EPHA6: variants seen among roughly 807,000 people sequenced by gnomAD.
EPHA6 encodes EPH receptor A6.
Under a neutral mutation model 112.0 loss-of-function variants are expected in EPHA6, and 50 were observed. That is an observed-to-expected ratio of 0.45 (90% CI 0.36 to 0.56). The LOEUF (loss-of-function observed/expected upper bound fraction) is 0.56. Ranked by LOEUF, EPHA6 falls within the 20% of genes least tolerant of loss-of-function variation. The pLI, the probability that EPHA6 is intolerant of heterozygous loss-of-function variation, is 0.00. For synonymous variants in EPHA6, 529 were observed against 490.7 expected (o/e 1.08, Z -1.03); for missense variants, 1,280 against 1,417.4 (o/e 0.90, Z 1.56).
At chr3:97,697,985 G>C (rs2033143045) in intron 14 of EPHA6, among the ~76,000 whole-genome samples, 1 of 152,130 alleles carries the variant, frequency 6.6e-6, no homozygotes, top group Non-Finnish European at 1.5e-5. Flanking sequence ...AAAGTAGATA[G>C]CCAATGCATG....
At chr3:97,657,373 T>C (rs540306216) in intron 14 of EPHA6, among the ~76,000 whole-genome samples, 1 of 151,942 alleles carries the variant, frequency 6.6e-6, no homozygotes, top group East Asian at 1.9e-4. Flanking sequence ...AGTCAAGGAA[T>C]AAACTATTAT....
chr3:97,194,614 TTTG>T (rs908170838), intron 3 of EPHA6, among the ~76,000 whole-genome samples: 41 of 145,978 alleles, frequency 2.8e-4, no homozygotes, highest in African/African-American at 8.7e-4. Context: ...GAGTCCACTG[TTTG>T]TTGTTGATTT....
chr3:97,111,719 T>C (rs1005769567), intron 3 of EPHA6, among the ~76,000 whole-genome samples: 4 of 152,122 alleles, frequency 2.6e-5, no homozygotes, highest in African/African-American at 9.7e-5. Context: ...ATTCAAGCAA[T>C]GTACACTTAT....
Position 96,986,622 on chromosome 3 carries a change from G to A in EPHA6, c.451-708G>A, listed in dbSNP as rs142399806. Among the ~76,000 whole-genome samples, 298 of 152,012 alleles carry A rather than the reference G, an allele frequency of 2.0e-3. 1 individual carries two copies. The highest frequency in any genetic ancestry group is 3.4e-3 in the Non-Finnish European group (234 of 67,958). On this transcript the variant is annotated intron_variant, in intron 2 of 17. Coordinates refer to ENST00000389672, the MANE Select transcript of EPHA6 (RefSeq NM_001080448.3). The stretch of plus-strand genomic sequence containing the variant: ...TCTCCTTGACCTGTTTTTCCCCATT[G>A]TACTTTCTACCATATTATTTAGTTT...
At chr3:97,354,751 A>G (rs1186461426) in intron 5 of EPHA6, among the ~76,000 whole-genome samples, 1 of 152,192 alleles carries the variant, frequency 6.6e-6, no homozygotes, top group African/African-American at 2.4e-5. Context: ...GTTCAAGTAC[A>G]AAAAGATTAT....
At chr3:97,381,490 G>C (rs1252673513) in intron 5 of EPHA6, among the ~76,000 whole-genome samples, 1 of 152,026 alleles carries the variant, frequency 6.6e-6, no homozygotes, top group East Asian at 1.9e-4. Flanking sequence ...AGAAAATTTA[G>C]CTCCAGATTT....
chr3:97,371,885 A>G (rs2085078955), intron 5 of EPHA6, among the ~76,000 whole-genome samples: 1 of 152,114 alleles, frequency 6.6e-6, no homozygotes, highest in African/African-American at 2.4e-5. Context: ...CCGGTCTCCC[A>G]TAGTGCTCCC....
intron 2 of EPHA6, among the ~76,000 whole-genome samples, chr3:96,899,457 A>T (rs1419916676): frequency 6.6e-6 from 1 of 152,192 alleles, no homozygotes; most frequent in East Asian, 1.9e-4. Flanking sequence ...CAGCATATTA[A>T]TTTTTATAAT....
intron 1 of EPHA6, among the ~76,000 whole-genome samples, chr3:96,862,563 CTTAGTGG>C (rs2036069037): frequency 6.6e-6 from 1 of 151,932 alleles, no homozygotes; most frequent in South Asian, 2.1e-4. Context: ...TAGCTACTTT[CTTAGTGG>C]CTTGATTTAT....
intron 3 of EPHA6, among the ~76,000 whole-genome samples, chr3:97,027,730 AG>A (rs1418478719): frequency 6.6e-6 from 1 of 152,222 alleles, no homozygotes; most frequent in East Asian, 1.9e-4. Context: ...TATAACTGCG[AG>A]GAAATAGTTT....
chr3:96,908,297 T>G (rs2107595182), intron 2 of EPHA6, among the ~76,000 whole-genome samples: 1 of 152,128 alleles, frequency 6.6e-6, no homozygotes, highest in Admixed American at 6.6e-5. Flanking sequence ...CTTACTTATT[T>G]ATTTAACTAA....
chr3:97,022,186 C>G (rs976541604), intron 3 of EPHA6, among the ~76,000 whole-genome samples: 1 of 152,164 alleles, frequency 6.6e-6, no homozygotes, highest in Admixed American at 6.6e-5. Context: ...TCCTAAAAAA[C>G]AGAACACAAT....
intron 6 of EPHA6, among the ~76,000 whole-genome samples, chr3:97,422,845 G>A (rs2088785429): frequency 6.6e-6 from 1 of 152,108 alleles, no homozygotes; most frequent in Non-Finnish European, 1.5e-5. Context: ...TGGGATGCAA[G>A]GTTGGTTCAA....
At chr3:97,396,106 G>T (rs564190637) in intron 5 of EPHA6, among the ~76,000 whole-genome samples, 1 of 151,558 alleles carries the variant, frequency 6.6e-6, no homozygotes, top group South Asian at 2.1e-4. Context: ...GGGATTTTCC[G>T]GATTGCTGGA....
chr3:97,469,543 A>AT (rs1180921945), intron 7 of EPHA6, among the ~76,000 whole-genome samples: 1 of 151,708 alleles, frequency 6.6e-6, no homozygotes, highest in Non-Finnish European at 1.5e-5. Flanking sequence ...AATACATGTG[A>AT]TAATATGGGT....
chr3:97,580,483 A>T lies in EPHA6; in HGVS notation c.2387-12129A>T, dbSNP rs934522521. Among the ~76,000 whole-genome samples the T allele has an allele frequency of 3.9e-5, 6 of 152,022 alleles. No homozygotes were observed. The South Asian group carries it at 8.3e-4, about 21-fold the overall frequency. On this transcript the variant is annotated intron_variant, in intron 11 of 17. Coordinates refer to ENST00000389672, the MANE Select transcript of EPHA6 (RefSeq NM_001080448.3). ...AACACCTGCTTGCTTTTTATCCCTC[A>T]CTTTTTCTCTTGACTCTCCTTCAAT...
intron 5 of EPHA6, among the ~76,000 whole-genome samples, chr3:97,313,310 C>T (rs2081647571): frequency 6.6e-6 from 1 of 151,300 alleles, no homozygotes; most frequent in Non-Finnish European, 1.5e-5. Context: ...ATTTAGGTTC[C>T]TTCCATATCC....
At chr3:97,317,460 A>G (rs1171947865) in intron 5 of EPHA6, among the ~76,000 whole-genome samples, 2 of 152,150 alleles carry the variant, frequency 1.3e-5, no homozygotes, top group African/African-American at 4.8e-5. Flanking sequence ...CATTGTTATC[A>G]TGGTAGTCAT....
At chr3:97,255,976 A>G (rs1188003640) in intron 5 of EPHA6, among the ~76,000 whole-genome samples, 1 of 152,134 alleles carries the variant, frequency 6.6e-6, no homozygotes, top group Non-Finnish European at 1.5e-5. Flanking sequence ...AAAATAGAAG[A>G]AGAATACATA....
Sources: allele counts gnomAD v4.1 joint callset (sites outside exome capture counted in the v4.1 genomes callset), GRCh38; gene constraint gnomAD v4.1.1; transcripts MANE v1.5; gene names NCBI Gene and HGNC (gene_info 2026-07-23, HGNC 2026-07-21).